The following CEP128 variants were observed in gnomAD, a reference collection of about 807,000 sequenced individuals.
The protein encoded by CEP128 is centrosomal protein 128, also known as centrosomal protein 128kDa.
A neutral mutation model predicts 156.7 loss-of-function variants in CEP128; 132 were observed. That is an observed-to-expected ratio of 0.84 (90% CI 0.73 to 0.97). CEP128 has a LOEUF of 0.97. CEP128 is among the 50% of genes least tolerant of loss of function. The pLI is 0.00. For missense variants in CEP128, 1,252 were observed against 1,281.9 expected (o/e 0.98, Z 0.36); for synonymous variants, 469 against 448.9 (o/e 1.04, Z -0.57).
chr14:80,589,746 G>C (rs181683733), intron 19 of CEP128, among the ~76,000 whole-genome samples: 1 of 151,968 alleles, frequency 6.6e-6, no homozygotes, highest in Non-Finnish European at 1.5e-5. Flanking sequence ...GGTACAGTTT[G>C]GTATGTAATA....
intron 2 of CEP128, among the ~76,000 whole-genome samples, chr14:80,947,100 CTA>C (rs1051329010): frequency 6.6e-6 from 1 of 152,180 alleles, no homozygotes; most frequent in African/African-American, 2.4e-5. Context: ...GCCAATAGAA[CTA>C]TGAGTCAATT....
chr14:80,671,461 C>G (rs1895838332), intron 19 of CEP128, among the ~76,000 whole-genome samples: 1 of 152,116 alleles, frequency 6.6e-6, no homozygotes, highest in Non-Finnish European at 1.5e-5. Context: ...AGACAGACAT[C>G]TAGGGAAGAG....
At chr14:80,760,432 G>C (rs986211694) in intron 17 of CEP128, among the ~76,000 whole-genome samples, 1 of 151,908 alleles carries the variant, frequency 6.6e-6, no homozygotes, top group African/African-American at 2.4e-5. Context: ...TAGAAAAAAA[G>C]GCAGAGAGAA....
intron 21 of CEP128, among the ~76,000 whole-genome samples, chr14:80,549,668 C>A (rs1193171127): frequency 6.6e-6 from 1 of 152,126 alleles, no homozygotes; most frequent in Admixed American, 6.5e-5. Flanking sequence ...TCAGTTGTTT[C>A]CTGAGTTGTA....
chr14:80,671,600 G>T (rs1167985967), intron 19 of CEP128, among the ~76,000 whole-genome samples: 1 of 152,030 alleles, frequency 6.6e-6, no homozygotes, highest in African/African-American at 2.4e-5. Context: ...CTCTGTCAAG[G>T]ACAAGCCATG....
intron 2 of CEP128, among the ~76,000 whole-genome samples, chr14:80,950,255 C>A (rs1351421655): frequency 6.6e-6 from 1 of 152,110 alleles, no homozygotes; most frequent in African/African-American, 2.4e-5. Context: ...AGGAAGTATG[C>A]CCCACCAACA....
At chr14:80,582,341 T>C (rs1349410262) in intron 19 of CEP128, among the ~76,000 whole-genome samples, 1 of 152,176 alleles carries the variant, frequency 6.6e-6, no homozygotes, top group Admixed American at 6.5e-5. Context: ...GCTATTTGAA[T>C]AACATGTATT....
intron 14 of CEP128, among the ~76,000 whole-genome samples, chr14:80,482,525 G>A (rs1887076041): frequency 6.6e-6 from 1 of 152,150 alleles, no homozygotes; most frequent in Non-Finnish European, 1.5e-5. Context: ...CAAGCATCAA[G>A]TTGCATTATG....
At chr14:80,893,024 C>G (rs1423141973) in intron 8 of CEP128, among the ~76,000 whole-genome samples, 1 of 151,976 alleles carries the variant, frequency 6.6e-6, no homozygotes, top group Admixed American at 6.6e-5. Flanking sequence ...ATTCTGCATT[C>G]CTATGTTCAT....
intron 3 of CEP128, 82 bp downstream of exon 3, chr14:80,916,319 A>G: frequency 8.8e-7 from 1 of 1,138,758 alleles, no homozygotes. Flanking sequence ...TTACAGCAGC[A>G]AGAAAACTAA....
chr14:80,667,947 C>T (rs745575144), intron 19 of CEP128, among the ~76,000 whole-genome samples: 6 of 151,766 alleles, frequency 4.0e-5, no homozygotes, highest in Non-Finnish European at 5.9e-5. Flanking sequence ...AATAGTATCC[C>T]GCCCAAAGTA....
At chr14:80,786,453 A>C (rs1254588965) in intron 14 of CEP128, among the ~76,000 whole-genome samples, 1 of 152,210 alleles carries the variant, frequency 6.6e-6, no homozygotes, top group Admixed American at 6.5e-5. Context: ...TTTATACTTC[A>C]GTGTAAAACA....
At chr14:80,538,465 A>C (rs576121280) in intron 21 of CEP128, among the ~76,000 whole-genome samples, 23 of 152,272 alleles carry the variant, frequency 1.5e-4, no homozygotes, top group Admixed American at 1.3e-3. Context: ...CAATGCTATA[A>C]GCATCTTCAA....
At chr14:80,926,797 T>C (rs1219864009) in intron 2 of CEP128, among the ~76,000 whole-genome samples, 2 of 152,106 alleles carry the variant, frequency 1.3e-5, no homozygotes, top group East Asian at 3.9e-4. Flanking sequence ...GGAGAAAACT[T>C]TTTGCATGAC....
At chr14:80,729,580 T>A (rs1401635071) in intron 19 of CEP128, among the ~76,000 whole-genome samples, 1 of 152,196 alleles carries the variant, frequency 6.6e-6, no homozygotes, top group Non-Finnish European at 1.5e-5. Flanking sequence ...ATGGTAAATC[T>A]ACTTCTAGTT....
chr14:80,589,015 T>C (rs969674901), intron 19 of CEP128, among the ~76,000 whole-genome samples: 6 of 152,138 alleles, frequency 3.9e-5, no homozygotes, highest in Admixed American at 6.6e-5. Context: ...CAGATATCTT[T>C]AATATAAAGA....
downstream of CEP128, among the ~76,000 whole-genome samples, chr14:80,489,505 C>A (rs1299544849): frequency 1.3e-5 from 2 of 152,186 alleles, no homozygotes; most frequent in East Asian, 1.9e-4. Context: ...GTAAAAAAGT[C>A]TCTAAAGGTA....
chr14:80,709,161 C>T (rs1024126704), intron 19 of CEP128, among the ~76,000 whole-genome samples: 42 of 149,124 alleles, frequency 2.8e-4, no homozygotes, highest in African/African-American at 8.1e-4. Flanking sequence ...TTTTTTGAGA[C>T]GGAGTTTCGC....
rs2139638932 is a variant in CEP128, at chr14:80,941,617, AT to A, written c.-209del. The A allele has an allele frequency of 6.5e-6, 1 of 152,700 alleles. No homozygotes were observed. Among genetic ancestry groups the A allele is most frequent in the Non-Finnish European group, 1.5e-5 (1 of 68,144 alleles). The allele number at this position is 152,700 out of a possible 1,614,324, so 9.5% of individuals were successfully genotyped here. A position where few individuals can be genotyped will look rare whatever the true frequency, so the allele number is the denominator to read the frequency against. On this transcript the variant is annotated 5_prime_UTR_variant, in exon 1 of 25. The change abolishes the stop of an existing upstream ORF in the 5' untranslated region. Coordinates refer to ENST00000555265, the MANE Select transcript of CEP128 (RefSeq NM_152446.5). ...GATGATCCCAGCTCCTTAATGCCGGATCATCGCCTAGGCCCCACCCGGCTCC... is the reference window on the plus strand; with the variant it reads ...GATGATCCCAGCTCCTTAATGCCGGACATCGCCTAGGCCCCACCCGGCTCC...
Sources: allele counts gnomAD v4.1 joint callset (sites outside exome capture counted in the v4.1 genomes callset), GRCh38; gene constraint gnomAD v4.1.1; transcripts MANE v1.5; gene names NCBI Gene and HGNC (gene_info 2026-07-23, HGNC 2026-07-21).